Variants in GLB1L3 observed in about 807,000 individuals in gnomAD.
GLB1L3 encodes beta-galactosidase-1-like protein 3.
In GLB1L3, 89 loss-of-function variants were observed where a neutral mutation model predicts 89.5. The observed-to-expected ratio is 0.99, with a 90% confidence interval of 0.84 to 1.19. The LOEUF is 1.19. Ranked by LOEUF, GLB1L3 falls within the 50% of genes most tolerant of loss-of-function variation. The pLI, the probability that GLB1L3 is intolerant of heterozygous loss-of-function variation, is 0.00. For missense variants in GLB1L3, 812 were observed against 813.3 expected (o/e 1.00, Z 0.02); for synonymous variants, 314 against 312.3 (o/e 1.01, Z -0.06).
At chr11:134,304,996 G>A (rs183780345) in intron 9 of GLB1L3, 55 of 1,088,398 alleles carry the variant, frequency 5.1e-5, no homozygotes, top group African/African-American at 7.9e-5. Flanking sequence ...GCCCGCATGC[G>A]ACTGCGCTAA....
intron 7 of GLB1L3, among the ~76,000 whole-genome samples, chr11:134,291,287 T>C (rs1271394404): frequency 2.1e-4 from 32 of 152,000 alleles, no homozygotes; most frequent in Admixed American, 5.9e-4. Context: ...TTTTTTTTTT[T>C]TCTGAGATAG....
At chr11:134,283,400 G>A (rs900842712) in intron 5 of GLB1L3, among the ~76,000 whole-genome samples, 7 of 152,286 alleles carry the variant, frequency 4.6e-5, no homozygotes, top group African/African-American at 1.7e-4. Context: ...AGAATAGAGA[G>A]TGTTCACCAA....
chr11:134,307,044 C>G, intron 9 of GLB1L3, 80 bp from the exon 10 acceptor site: 1 of 921,276 alleles, frequency 1.1e-6, no homozygotes, highest in African/African-American at 1.7e-5. Context: ...TTCCTTAGTT[C>G]CCATCTATTG....
chr11:134,308,610 CCACCACTAT>C (rs1942538316), intron 10 of GLB1L3, among the ~76,000 whole-genome samples: 2 of 144,144 alleles, frequency 1.4e-5, no homozygotes, highest in South Asian at 2.2e-4. Context: ...TCCACCACCA[CCACCACTAT>C]CACCACCATC....
Position 134,276,716 on chromosome 11 carries a change from C to A in GLB1L3, c.-25C>A. ...GGAGAGGGGCGGAAGCCGCAAGGGA[C>A]CCTCGGCGCCTCGGCCTGGCCGCGA... On this transcript the variant is annotated 5_prime_UTR_variant, in exon 1 of 20. Coordinates refer to ENST00000431683, the MANE Select transcript of GLB1L3 (RefSeq NM_001080407.3). The A allele has an allele frequency of 6.9e-7, 1 of 1,443,934 alleles. No homozygotes were observed. Among genetic ancestry groups the A allele is most frequent in the Non-Finnish European group, 9.1e-7 (1 of 1,099,872 alleles). 89.4% of individuals were successfully genotyped at this position (1,443,934 alleles called of 1,614,324 possible).
chr11:134,282,255 C>T (rs1940736496), intron 5 of GLB1L3, 135 bp downstream of exon 5: 2 of 1,109,272 alleles, frequency 1.8e-6, no homozygotes, highest in South Asian at 1.7e-5. Flanking sequence ...CCACGCCACG[C>T]ACCGTGCCTG....
intron 9 of GLB1L3, among the ~76,000 whole-genome samples, chr11:134,306,314 T>C (rs1942203385): frequency 6.6e-6 from 1 of 152,222 alleles, no homozygotes; most frequent in Non-Finnish European, 1.5e-5. Context: ...CAATTAATAA[T>C]TTTAAATATT....
chr11:134,301,267 G>A (rs1941936355), intron 9 of GLB1L3, among the ~76,000 whole-genome samples: 1 of 152,142 alleles, frequency 6.6e-6, no homozygotes, highest in African/African-American at 2.4e-5. Context: ...AGTTTTTCAA[G>A]TTTTGTCCTC....
At chr11:134,322,010 ACT>A (rs751065192), downstream of GLB1L3, among the ~76,000 whole-genome samples, 29 of 152,230 alleles carry the variant, frequency 1.9e-4, no homozygotes, top group Non-Finnish European at 3.4e-4. Flanking sequence ...AATGCGCTAA[ACT>A]CTAAACGGTA....
At position 134,293,080 on chromosome 11, in the gene GLB1L3, A is replaced by G. The variant is rs184673004; in HGVS notation, c.812-65A>G. The G allele has an allele frequency of 3.3e-3, 4,603 of 1,393,618 alleles. 18 individuals carry two copies. The highest frequency in any genetic ancestry group is 4.0e-3 in the Middle Eastern group (23 of 5,690). 86.3% of individuals were successfully genotyped at this position (1,393,618 alleles called of 1,614,324 possible). ...CTGCGTGCGTCCGGGCCGGGGGCGCATTCCTTCCCTTCCCTGACAGCACTT... is the reference window on the plus strand; with the variant it reads ...CTGCGTGCGTCCGGGCCGGGGGCGCGTTCCTTCCCTTCCCTGACAGCACTT... On this transcript the variant is annotated intron_variant, in intron 8 of 19. Coordinates refer to ENST00000431683, the MANE Select transcript of GLB1L3 (RefSeq NM_001080407.3).
chr11:134,277,264 G>T, intron 1 of GLB1L3, 62 bp from the exon 2 acceptor site: 1 of 1,609,972 alleles, frequency 6.2e-7, no homozygotes, highest in Non-Finnish European at 8.5e-7. Flanking sequence ...CAGCTTCCCG[G>T]CCCTTGCAGC....
At position 134,307,179 on chromosome 11, in the gene GLB1L3, G is replaced by T. The variant is rs754792798; in HGVS notation, c.932G>T (p.Gly311Val). Residue 311 changes from glycine to valine, a missense_variant, in exon 10 of 20, where the codon GGA becomes GTA. By Grantham distance (109) the Gly-to-Val change is moderately radical. Transcript: ENST00000431683. ...EYWVGWFDRW[G>V]DKHHVKDAKE... is the part of the protein sequence containing the mutation. ...TGGGTCGGCTGGTTCGACAGATGGG[G>T]AGATAAGCACCATGTTAAAGATGCA... 2.2e-5 allele frequency: 36 copies of T among 1,613,492 alleles called. No homozygotes were observed. Among genetic ancestry groups the T allele is most frequent in the Non-Finnish European group, 2.8e-5 (33 of 1,179,674 alleles).
chr11:134,276,368 C>T, upstream of GLB1L3: 1 of 214,482 alleles, frequency 4.7e-6, no homozygotes, highest in Non-Finnish European at 9.2e-6. Context: ...CCGCCCCTCT[C>T]CCGCGCAGGC....
intron 5 of GLB1L3, among the ~76,000 whole-genome samples, chr11:134,282,943 C>T (rs1940778966): frequency 6.6e-6 from 1 of 152,236 alleles, no homozygotes. Flanking sequence ...CTGCCTGGCA[C>T]TTCCCCAGTG....
chr11:134,313,858 G>A (rs1427745981), intron 16 of GLB1L3, 83 bp from the exon 17 acceptor site: 3 of 871,606 alleles, frequency 3.4e-6, no homozygotes, highest in Non-Finnish European at 5.6e-6. Context: ...GCATGTACAA[G>A]TCTGCATTGC....
chr11:134,311,217 G>A, intron 13 of GLB1L3, 47 bp downstream of exon 13: 1 of 1,332,274 alleles, frequency 7.5e-7, no homozygotes, highest in Non-Finnish European at 1.1e-6. Flanking sequence ...TTGGAGGGAT[G>A]GGGGAGGGAT....
intron 9 of GLB1L3, among the ~76,000 whole-genome samples, chr11:134,303,911 A>G (rs1942064095): frequency 6.6e-6 from 1 of 152,060 alleles, no homozygotes; most frequent in Admixed American, 6.5e-5. Context: ...GTTTTCTTTC[A>G]GCACACAGTC....
intron 3 of GLB1L3, among the ~76,000 whole-genome samples, chr11:134,279,515 G>GCCA (rs1345590745): frequency 6.6e-6 from 1 of 151,578 alleles, no homozygotes; most frequent in African/African-American, 2.4e-5. Context: ...TATGGCTCCC[G>GCCA]CCACCACACC....
In GLB1L3 at chr11:134,312,925, C is replaced by T. The variant is rs371153432; in HGVS notation, c.1500+38C>T. ...AGAGTCCAGGTGATGCCCTCGACCC[C>T]CCTCAAATGCAGACGGAGCCTGGTC... is the stretch of plus-strand genomic sequence containing the variant. On this transcript the variant is annotated intron_variant, in intron 15 of 19. Transcript: ENST00000431683. 9.3e-4 allele frequency: 1,256 copies of T among 1,354,794 alleles called. 3 individuals are homozygous for T. The highest frequency in any genetic ancestry group is 1.2e-3 in the Non-Finnish European group (1,122 of 954,132). 83.9% of individuals were successfully genotyped at this position (1,354,794 alleles called of 1,614,324 possible).
Sources: gnomAD v4.1 joint callset for allele counts (sites outside exome capture counted in the v4.1 genomes callset) on GRCh38, gnomAD v4.1.1 for gene constraint, MANE v1.5 for transcripts, NCBI Gene and HGNC (gene_info 2026-07-23, HGNC 2026-07-21) for gene names.